Variants in MAP3K3 observed in about 807,000 individuals in gnomAD.
MAP3K3 encodes the protein mitogen-activated protein kinase kinase kinase 3.
MAP3K3 carries 12 observed loss-of-function variants against 80.9 expected under a neutral mutation model. The observed-to-expected ratio is 0.15, with a 90% CI of 0.10 to 0.24. The LOEUF is 0.24. MAP3K3 is among the 10% of genes least tolerant of loss of function. MAP3K3 has a pLI of 1.00. For synonymous variants in MAP3K3, 272 were observed against 307.1 expected, an observed-to-expected ratio of 0.89 and a Z score of 1.19; for missense variants, 596 against 834.7, an observed-to-expected ratio of 0.71 and a Z score of 3.52.
chr17:63,626,064 A>G (rs2034095282), intron 1 of MAP3K3, among the ~76,000 whole-genome samples: 5 of 152,208 alleles, frequency 3.3e-5, no homozygotes, highest in Admixed American at 2.0e-4. Flanking sequence ...CAAGAGTGAG[A>G]GACCCTGTCT....
chr17:63,647,676 C>T (rs1380567164), intron 3 of MAP3K3, among the ~76,000 whole-genome samples: 7 of 152,104 alleles, frequency 4.6e-5, no homozygotes, highest in Non-Finnish European at 5.9e-5. Context: ...GGAGCCATGG[C>T]ATTTCAGTGT....
chr17:63,683,035 A>C (rs981307320), intron 7 of MAP3K3, among the ~76,000 whole-genome samples: 1 of 152,222 alleles, frequency 6.6e-6, no homozygotes, highest in African/African-American at 2.4e-5. Context: ...CTCTAGCTTC[A>C]TTCTGGTCTT....
At chr17:63,675,030 C>G (rs558680161) in intron 6 of MAP3K3, among the ~76,000 whole-genome samples, 13 of 152,250 alleles carry the variant, frequency 8.5e-5, no homozygotes, top group African/African-American at 3.1e-4. Flanking sequence ...AAATGGTTAG[C>G]TTCTTTCATC....
chr17:63,628,038 T>C (rs1239469467), intron 1 of MAP3K3, among the ~76,000 whole-genome samples: 1 of 151,910 alleles, frequency 6.6e-6, no homozygotes, highest in Non-Finnish European at 1.5e-5. Context: ...CCACAGTAGT[T>C]GGGATTACAG....
intron 2 of MAP3K3, chr17:63,636,864 G>T (rs139530931): frequency 2.6e-6 from 1 of 382,358 alleles, no homozygotes; most frequent in Non-Finnish European, 5.2e-6. Flanking sequence ...CCTCCATCCC[G>T]CTGGACATCA....
intron 1 of MAP3K3, among the ~76,000 whole-genome samples, chr17:63,624,245 T>C (rs1386146129): frequency 6.6e-6 from 1 of 152,228 alleles, no homozygotes; most frequent in Non-Finnish European, 1.5e-5. Flanking sequence ...ACATTTATCT[T>C]GTATTATAGA....
chr17:63,690,515 G>T, intron 12 of MAP3K3, 103 bp downstream of exon 12: 1 of 1,295,716 alleles, frequency 7.7e-7, no homozygotes, highest in Non-Finnish European at 1.1e-6. Context: ...TGCTTCCTCT[G>T]TCATTCTTCC....
Position 63,651,226 on chromosome 17 carries a change from A to G in MAP3K3, c.168-1331A>G, listed in dbSNP as rs112143784. On this transcript the variant is annotated intron_variant, in intron 3 of 15. Transcript: ENST00000361733. ...TGGCCAAGCATGGTGGCTTACACCT[A>G]TAATACCAGCACTTTGGAAGGCCGA... is the stretch of plus-strand genomic sequence containing the variant. 7.1e-3 allele frequency among the ~76,000 whole-genome samples: 1,076 copies of G among 152,268 alleles called. 11 individuals are homozygous for G. Among genetic ancestry groups the G allele is most frequent in the African/African-American group, 0.024 (991 of 41,564 alleles).
chr17:63,639,555 G>A (rs769581427), intron 2 of MAP3K3, among the ~76,000 whole-genome samples: 1 of 152,178 alleles, frequency 6.6e-6, no homozygotes, highest in Non-Finnish European at 1.5e-5. Flanking sequence ...AGGTGATTGA[G>A]ATGGTTGGAA....
chr17:63,681,021 A>C (rs1162745419), intron 6 of MAP3K3, among the ~76,000 whole-genome samples: 1 of 152,002 alleles, frequency 6.6e-6, no homozygotes, highest in Non-Finnish European at 1.5e-5. Flanking sequence ...ATTACTGTGA[A>C]TGTGTAACAA....
chr17:63,653,503 A>G (rs2034701036), intron 4 of MAP3K3, among the ~76,000 whole-genome samples: 1 of 152,180 alleles, frequency 6.6e-6, no homozygotes, highest in East Asian at 1.9e-4. Flanking sequence ...TTTCTTTTTC[A>G]GTTAATATTT....
At chr17:63,623,341 C>T (rs1243750135) in intron 1 of MAP3K3, among the ~76,000 whole-genome samples, 1 of 152,178 alleles carries the variant, frequency 6.6e-6, no homozygotes, top group African/African-American at 2.4e-5. Flanking sequence ...TGTGATCAAG[C>T]GCGCGGTTGA....
Position 63,691,777 on chromosome 17 carries a change from G to C in MAP3K3, c.1389G>C (p.Glu463Asp). The change falls in exon 14 of 16, where the codon GAG becomes GAC. Residue 463 changes from glutamate (E) to aspartate (D), a missense_variant. Around this residue, in one of 2 missense-constraint regions of MAP3K3, gnomAD observed 364 missense variants for 588.9 expected, o/e 0.62. Coordinates refer to ENST00000361733, the MANE Select transcript of MAP3K3 (RefSeq NM_002401.5). The surrounding 1 kb of genome is among the most constrained non-coding windows in gnomAD (Gnocchi z 4.8). ...DQLKAYGALT[E>D]SVTRKYTRQI... ...TGAAGGCTTACGGTGCTCTGACAGA[G>C]AGCGTGACCCGAAAGTACACGCGGC... is the stretch of plus-strand genomic sequence containing the variant. The C allele has an allele frequency of 6.2e-7, 1 of 1,614,086 alleles. No individual in the cohort carries two copies. Among genetic ancestry groups the C allele is most frequent in the Non-Finnish European group, 8.5e-7 (1 of 1,180,012 alleles).
chr17:63,680,619 G>A (rs2035310749), intron 6 of MAP3K3, among the ~76,000 whole-genome samples: 4 of 152,096 alleles, frequency 2.6e-5, no homozygotes, highest in African/African-American at 9.7e-5. Flanking sequence ...ATCCCTTATG[G>A]CAGAAAAACA....
In MAP3K3 at chr17:63,690,898, C is replaced by T. The variant is rs59025916; in HGVS notation, c.1213-204C>T. The T allele has an allele frequency of 4.3e-4, 258 of 603,172 alleles. 1 individual carries two copies. The African/African-American group carries it at 4.6e-3, about 11-fold the overall frequency. 37.4% of individuals were successfully genotyped at this position (603,172 alleles called of 1,614,324 possible). On this transcript the variant is annotated intron_variant, in intron 12 of 15. Transcript: ENST00000361733. ...GCCCCTTCTCCCACCTCCCTGCCTCCTTCCACCCATGGGAGTGCCACCATC... is the reference window on the plus strand; with the variant it reads ...GCCCCTTCTCCCACCTCCCTGCCTCTTTCCACCCATGGGAGTGCCACCATC...
intron 3 of MAP3K3, among the ~76,000 whole-genome samples, chr17:63,647,377 A>G (rs2034561740): frequency 6.6e-6 from 1 of 152,204 alleles, no homozygotes; most frequent in African/African-American, 2.4e-5. Flanking sequence ...TTTTAAAGGG[A>G]TGGCCAAACT....
chr17:63,690,316 C>G lies in MAP3K3; in HGVS notation c.1116C>G (p.Ala372=), dbSNP rs767395872. 2.5e-6 allele frequency: 4 copies of G among 1,614,202 alleles called. No homozygotes were observed. Among genetic ancestry groups the G allele is most frequent in the Non-Finnish European group, 3.4e-6 (4 of 1,180,028 alleles). The part of the protein sequence containing the change: ...WRRGKLLGQG[A]FGRVYLCYDV... ...GGGGAAAGCTCCTGGGCCAGGGTGC[C>G]TTCGGCAGGGTCTATTTGTGCTATG... The change falls in exon 12 of 16, where the codon GCC becomes GCG. Residue 372 remains alanine (A), a synonymous_variant. Coordinates refer to ENST00000361733, the MANE Select transcript of MAP3K3 (RefSeq NM_002401.5).
chr17:63,628,621 A>G (rs2034154522), intron 1 of MAP3K3, among the ~76,000 whole-genome samples: 1 of 152,152 alleles, frequency 6.6e-6, no homozygotes, highest in African/African-American at 2.4e-5. Flanking sequence ...TAGCCTCCCA[A>G]AGTGCTGGGA....
At chr17:63,683,178 A>ACCCT (rs1196457383) in intron 7 of MAP3K3, among the ~76,000 whole-genome samples, 1 of 152,214 alleles carries the variant, frequency 6.6e-6, no homozygotes, top group East Asian at 1.9e-4. Context: ...AGATCTTATA[A>ACCCT]AAAGCTGATT....
Sources: gnomAD v4.1 joint callset for allele counts (sites outside exome capture counted in the v4.1 genomes callset) on GRCh38, gnomAD v4.1.1 for gene constraint, gnomAD v4.1.1 regional missense constraint, Gnocchi (gnomAD v3.1) non-coding constraint, MANE v1.5 for transcripts, NCBI Gene and HGNC (gene_info 2026-07-23, HGNC 2026-07-21) for gene names.